Variants in COL4A3 observed in about 807,000 individuals in gnomAD.
The protein encoded by COL4A3 is collagen alpha-3(IV) chain.
Under a neutral mutation model 217.4 loss-of-function variants are expected in COL4A3, and 135 were observed. That is an observed-to-expected ratio of 0.62 (90% CI 0.54 to 0.72). COL4A3 has a LOEUF of 0.72. Among genes scored for constraint, COL4A3 ranks in the 30% least tolerant of loss-of-function variants. The probability of loss-of-function intolerance (pLI) is 0.00; values close to 1 mark genes in which losing one functional copy is unlikely to be tolerated. For missense variants in COL4A3, 1,868 were observed against 2,119.9 expected (o/e 0.88, Z 2.33); for synonymous variants, 690 against 736.3 (o/e 0.94, Z 1.02).
chr2:227,293,082 A>C lies in COL4A3; in HGVS notation c.3211-109A>C, dbSNP rs59699546. 7,572 of 1,414,024 alleles carry C rather than the reference A, an allele frequency of 5.4e-3. 306 individuals carry two copies. The African/African-American group carries it at 0.09, about 17-fold the overall frequency. The allele number at this position is 1,414,024 out of a possible 1,614,324, so 87.6% of individuals were successfully genotyped here. A position where few individuals can be genotyped will look rare whatever the true frequency, so the allele number is the denominator to read the frequency against. On this transcript the variant is annotated intron_variant, in intron 37 of 51. Transcript: ENST00000396578. ...ACAGTGCTGGCAGATAGCAGATACTAATATGAATTGATGAATGAATGAAAA... is the reference window on the plus strand; with the variant it reads ...ACAGTGCTGGCAGATAGCAGATACTCATATGAATTGATGAATGAATGAAAA...
chr2:227,307,292 A>T (rs1005765207), intron 47 of COL4A3, among the ~76,000 whole-genome samples: 1 of 152,222 alleles, frequency 6.6e-6, no homozygotes, highest in Non-Finnish European at 1.5e-5. Flanking sequence ...ATAATTTGTG[A>T]ATTTATCAAA....
chr2:227,184,839 TA>T (rs1433248646), intron 1 of COL4A3, among the ~76,000 whole-genome samples: 1 of 148,500 alleles, frequency 6.7e-6, no homozygotes, highest in African/African-American at 2.5e-5. Context: ...AAATTCTCTC[TA>T]AACTTGTGTA....
chr2:227,249,712 T>G (rs1173270879), intron 9 of COL4A3, among the ~76,000 whole-genome samples: 3 of 152,114 alleles, frequency 2.0e-5, no homozygotes, highest in African/African-American at 7.2e-5. Context: ...AATGATGCAA[T>G]TAGGAGCCAT....
At chr2:227,208,446 C>G (rs1366472212) in intron 1 of COL4A3, among the ~76,000 whole-genome samples, 1 of 152,096 alleles carries the variant, frequency 6.6e-6, no homozygotes, top group Non-Finnish European at 1.5e-5. Context: ...CCCACCCAGA[C>G]CTGTAATCTG....
chr2:227,204,539 G>T (rs2067026957), intron 1 of COL4A3, among the ~76,000 whole-genome samples: 1 of 152,196 alleles, frequency 6.6e-6, no homozygotes, highest in Non-Finnish European at 1.5e-5. Flanking sequence ...AATGATGGCT[G>T]AAGCAGGACA....
chr2:227,263,747 T>A, intron 20 of COL4A3, 33 bp from the exon 21 acceptor site: 1 of 1,596,328 alleles, frequency 6.3e-7, no homozygotes, highest in Non-Finnish European at 8.5e-7. Context: ...CAGGAAAAAA[T>A]GTAAAATACA....
intron 9 of COL4A3, among the ~76,000 whole-genome samples, chr2:227,249,226 A>T (rs1278851213): frequency 2.6e-3 from 62 of 24,200 alleles, no homozygotes; most frequent in African/African-American, 7.2e-3. Context: ...ATATATATAT[A>T]TATATTTTTT....
At chr2:227,289,300 C>A in intron 35 of COL4A3, 52 bp downstream of exon 35, 3 of 1,451,886 alleles carry the variant, frequency 2.1e-6, no homozygotes, top group Non-Finnish European at 2.9e-6. Flanking sequence ...TTTCCTACAT[C>A]TAAAGTAATA....
At chr2:227,211,015 G>A (rs1217433255) in intron 1 of COL4A3, among the ~76,000 whole-genome samples, 1 of 151,200 alleles carries the variant, frequency 6.6e-6, no homozygotes, top group African/African-American at 2.4e-5. Context: ...TTTCATTTTT[G>A]TTTGAGACAG....
intron 1 of COL4A3, among the ~76,000 whole-genome samples, chr2:227,171,263 A>G (rs1441837268): frequency 5.3e-5 from 8 of 152,190 alleles, no homozygotes; most frequent in Non-Finnish European, 5.9e-5. Flanking sequence ...TCATCTAAAT[A>G]CTTATTCCAA....
At chr2:227,223,800 GA>G (rs760985999) in intron 1 of COL4A3, among the ~76,000 whole-genome samples, 88 of 152,256 alleles carry the variant, frequency 5.8e-4, no homozygotes, top group Non-Finnish European at 1.1e-3. Flanking sequence ...CCTTTACAGA[GA>G]GTTATAGTCA....
rs985132802 is a variant in COL4A3, at chr2:227,240,225, G to A, written c.227G>A (p.Gly76Glu). 1 of 1,609,656 alleles carries A rather than the reference G, an allele frequency of 6.2e-7. No homozygotes were observed. The highest frequency in any genetic ancestry group is 1.1e-5 in the South Asian group (1 of 89,746). ...CCTGAAGGCTTGCCTGGACCGCAGG[G>A]ACCCAAGGTATGTCATCCTGCAAGC... ...TGPEGLPGPQ[G>E]PKGFPGLPGL... Residue 76 changes from glycine (G) to glutamate (E), a missense_variant, in exon 3 of 52, where the codon GGA becomes GAA. By Grantham distance (98) the Gly-to-Glu change is moderately conservative (BLOSUM62 -2). Around this residue, in one of 2 missense-constraint regions of COL4A3, gnomAD observed 365 missense variants for 333.8 expected, o/e 1.09. Coordinates refer to ENST00000396578, the MANE Select transcript of COL4A3 (RefSeq NM_000091.5).
chr2:227,254,273 A>G, intron 14 of COL4A3, 99 bp downstream of exon 14: 1 of 1,069,826 alleles, frequency 9.3e-7, no homozygotes, highest in Non-Finnish European at 1.4e-6. Context: ...TTTTTTTTAA[A>G]GAAAGTAAAG....
intron 28 of COL4A3, 29 bp downstream of exon 28, chr2:227,277,582 G>C: frequency 1.5e-6 from 2 of 1,350,154 alleles, no homozygotes; most frequent in Non-Finnish European, 2.1e-6. Flanking sequence ...CAAACATAAA[G>C]TTTGTTGTGG....
intron 23 of COL4A3, among the ~76,000 whole-genome samples, chr2:227,268,052 G>A (rs112785808): frequency 0.031 from 4,737 of 152,210 alleles, 132 homozygotes; most frequent in Admixed American, 0.045. Flanking sequence ...GACTACACAG[G>A]GCCTCTCTCT....
intron 8 of COL4A3, 189 bp from the exon 9 acceptor site, chr2:227,248,254 G>T (rs1574680381): frequency 1.7e-6 from 1 of 573,544 alleles, no homozygotes. Flanking sequence ...GTAAATTTTT[G>T]ATTTTAGAAA....
rs1218394477 is a variant in COL4A3 at position 227,168,975 on chromosome 2, G to A, written c.87+4162G>A. ...TACATATGTATACATGTGCCATGCT[G>A]GTGTGCTGCACCCATTAACTCGTCA... On this transcript the variant is annotated intron_variant, in intron 1 of 51. Transcript: ENST00000396578. Among the ~76,000 whole-genome samples, 4 of 150,870 alleles carry A rather than the reference G, an allele frequency of 2.7e-5. No homozygotes were observed. The East Asian group carries it at 7.8e-4, about 29-fold the overall frequency.
intron 1 of COL4A3, among the ~76,000 whole-genome samples, chr2:227,185,370 T>C (rs909608535): frequency 1.3e-5 from 2 of 152,144 alleles, no homozygotes; most frequent in African/African-American, 4.8e-5. Context: ...CAAGTGTGAG[T>C]GCACAGTGCT....
intron 28 of COL4A3, among the ~76,000 whole-genome samples, chr2:227,279,107 C>A (rs1389713404): frequency 7.1e-6 from 1 of 139,916 alleles, no homozygotes; most frequent in Non-Finnish European, 1.5e-5. Context: ...GACAAAGTTT[C>A]GCTTTTGTTG....
Sources: allele counts gnomAD v4.1 joint callset (sites outside exome capture counted in the v4.1 genomes callset), GRCh38; gene constraint gnomAD v4.1.1; regional missense constraint gnomAD v4.1.1; transcripts MANE v1.5; gene names NCBI Gene and HGNC (gene_info 2026-07-23, HGNC 2026-07-21).